Variants in CNTN4 observed in about 807,000 individuals in gnomAD.
CNTN4 encodes the protein contactin-4.
CNTN4 carries 77 observed loss-of-function variants against 122.5 expected under a neutral mutation model. The observed-to-expected ratio is 0.63, with a 90% CI of 0.52 to 0.76. CNTN4 has a LOEUF of 0.76. Ranked by LOEUF, CNTN4 falls within the 30% of genes least tolerant of loss-of-function variation. The probability of loss-of-function intolerance (pLI) is 0.00; values close to 1 mark genes in which losing one functional copy is unlikely to be tolerated. For missense variants in CNTN4, 1,256 were observed against 1,259.1 expected (o/e 1.00, Z 0.04); for synonymous variants, 512 against 447.0 (o/e 1.15, Z -1.83).
chr3:2,295,206 C>T (rs967233954), intron 2 of CNTN4, among the ~76,000 whole-genome samples: 10 of 142,358 alleles, frequency 7.0e-5, no homozygotes, highest in Admixed American at 4.9e-4. Flanking sequence ...AATGGGATGG[C>T]TGGGTGAAAT....
chr3:2,787,090 A>C (rs2149926986), intron 6 of CNTN4, among the ~76,000 whole-genome samples: 1 of 152,310 alleles, frequency 6.6e-6, no homozygotes, highest in Admixed American at 6.5e-5. Flanking sequence ...TATTTTAAGA[A>C]AATCGGCCAG....
intron 4 of CNTN4, among the ~76,000 whole-genome samples, chr3:2,598,279 C>G (rs12496271): frequency 0.51 from 76,877 of 151,942 alleles, 20,048 homozygotes; most frequent in Middle Eastern, 0.63. Flanking sequence ...CTGAGTAGTT[C>G]CACACTCCGT....
At chr3:2,438,461 G>A (rs1387743084) in intron 3 of CNTN4, among the ~76,000 whole-genome samples, 2 of 152,174 alleles carry the variant, frequency 1.3e-5, no homozygotes, top group African/African-American at 2.4e-5. Flanking sequence ...AGTGGAGGTT[G>A]CAGTGAGCCA....
chr3:2,795,028 C>A (rs1019540276), intron 6 of CNTN4, among the ~76,000 whole-genome samples: 3 of 152,134 alleles, frequency 2.0e-5, no homozygotes, highest in African/African-American at 7.2e-5. Context: ...GACAAACATT[C>A]ATTGCATAAC....
chr3:2,168,654 C>T (rs1018037305), intron 2 of CNTN4, among the ~76,000 whole-genome samples: 1 of 151,940 alleles, frequency 6.6e-6, no homozygotes, highest in East Asian at 1.9e-4. Flanking sequence ...AAAAATACCC[C>T]ATATTTGAAA....
chr3:2,790,770 C>G (rs2091983835), intron 6 of CNTN4, among the ~76,000 whole-genome samples: 1 of 151,646 alleles, frequency 6.6e-6, no homozygotes, highest in Non-Finnish European at 1.5e-5. Flanking sequence ...TTCTGCCATT[C>G]ATAACTTGTG....
At chr3:2,624,627 CTTTTT>C (rs1175851279) in intron 4 of CNTN4, among the ~76,000 whole-genome samples, 2 of 89,938 alleles carry the variant, frequency 2.2e-5, no homozygotes, top group Non-Finnish European at 4.4e-5. Flanking sequence ...ATTTCTGATT[CTTTTT>C]TTTTTTTTTT....
At chr3:2,104,469 C>T (rs549686183) in intron 2 of CNTN4, among the ~76,000 whole-genome samples, 58 of 152,290 alleles carry the variant, frequency 3.8e-4, no homozygotes, top group Non-Finnish European at 5.9e-4. Flanking sequence ...GACTGAGTGG[C>T]TGTCCATGGG....
At chr3:2,997,142 C>A (rs866666287) in intron 14 of CNTN4, among the ~76,000 whole-genome samples, 2 of 152,162 alleles carry the variant, frequency 1.3e-5, no homozygotes, top group Non-Finnish European at 2.9e-5. Context: ...ATTTCCATAG[C>A]TGAAATGGAG....
At chr3:2,305,306 G>T (rs1283247567) in intron 2 of CNTN4, among the ~76,000 whole-genome samples, 1 of 152,028 alleles carries the variant, frequency 6.6e-6, no homozygotes, top group Admixed American at 6.6e-5. Context: ...CAACTGAGAG[G>T]GTTAATTGTT....
intron 3 of CNTN4, among the ~76,000 whole-genome samples, chr3:2,480,230 C>T (rs2075952627): frequency 6.6e-6 from 1 of 151,912 alleles, no homozygotes. Context: ...TAACTTCTAC[C>T]ACTGCTTTTC....
chr3:2,846,476 C>A (rs760635695), intron 7 of CNTN4, among the ~76,000 whole-genome samples: 5 of 152,152 alleles, frequency 3.3e-5, no homozygotes, highest in African/African-American at 1.2e-4. Flanking sequence ...AACCTCTTTC[C>A]TTTATAAATT....
intron 6 of CNTN4, among the ~76,000 whole-genome samples, chr3:2,778,083 G>T (rs903067633): frequency 6.9e-6 from 1 of 144,422 alleles, no homozygotes; most frequent in Non-Finnish European, 1.5e-5. Context: ...GCGTGGTGGC[G>T]GGCGCCTGTA....
At chr3:2,983,597 C>T (rs951094884) in intron 13 of CNTN4, among the ~76,000 whole-genome samples, 3 of 152,202 alleles carry the variant, frequency 2.0e-5, no homozygotes, top group Admixed American at 2.0e-4. Flanking sequence ...AAGCACCGCA[C>T]ATCTTAACAA....
At chr3:2,711,596 G>A (rs1374954384) in intron 4 of CNTN4, among the ~76,000 whole-genome samples, 1 of 152,118 alleles carries the variant, frequency 6.6e-6, no homozygotes, top group Non-Finnish European at 1.5e-5. Flanking sequence ...CAAAAAGGGG[G>A]TTTCCATCAG....
intron 2 of CNTN4, among the ~76,000 whole-genome samples, chr3:2,278,313 A>G (rs969940085): frequency 6.6e-6 from 1 of 152,242 alleles, no homozygotes. Context: ...AGTCTTTGGA[A>G]TTGGCTTTGG....
intron 6 of CNTN4, among the ~76,000 whole-genome samples, chr3:2,790,888 A>G (rs982734001): frequency 1.3e-5 from 2 of 152,204 alleles, no homozygotes; most frequent in African/African-American, 4.8e-5. Flanking sequence ...TGCCATCACC[A>G]TTTTGCAGAC....
chr3:2,473,904 C>T (rs192673281), intron 3 of CNTN4, among the ~76,000 whole-genome samples: 1 of 151,768 alleles, frequency 6.6e-6, no homozygotes, highest in African/African-American at 2.4e-5. Flanking sequence ...CTCAGCTACT[C>T]GGGAGGCTGA....
At chr3:2,488,179 A>C (rs895423367) in intron 3 of CNTN4, among the ~76,000 whole-genome samples, 7 of 152,256 alleles carry the variant, frequency 4.6e-5, no homozygotes, top group African/African-American at 1.7e-4. Context: ...TAAGATGTTT[A>C]GATGCAGAGG....
Sources: allele counts gnomAD v4.1 joint callset (sites outside exome capture counted in the v4.1 genomes callset), GRCh38; gene constraint gnomAD v4.1.1; transcripts MANE v1.5; gene names NCBI Gene and HGNC (gene_info 2026-07-23, HGNC 2026-07-21).